The following MYO9B variants were observed in gnomAD, a reference collection of about 807,000 sequenced individuals.
The protein encoded by MYO9B is unconventional myosin-IXb.
Under a neutral mutation model 229.5 loss-of-function variants are expected in MYO9B, and 71 were observed. That is an observed-to-expected ratio of 0.31 (90% CI 0.26 to 0.38). The LOEUF (loss-of-function observed/expected upper bound fraction) is 0.38. Ranked by LOEUF, MYO9B falls within the 10% of genes least tolerant of loss-of-function variation. The pLI, the probability that MYO9B is intolerant of heterozygous loss-of-function variation, is 1.00. For synonymous variants in MYO9B, 1,185 were observed against 1,235.8 expected, an observed-to-expected ratio of 0.96 and a Z score of 0.86; for missense variants, 2,255 against 2,920.5, an observed-to-expected ratio of 0.77 and a Z score of 5.25.
intron 2 of MYO9B, among the ~76,000 whole-genome samples, chr19:17,125,212 A>G (rs1172746674): frequency 1.3e-5 from 2 of 151,872 alleles, no homozygotes; most frequent in Non-Finnish European, 2.9e-5. Context: ...GAGGGTGGAG[A>G]ATCACTTGAG....
rs148149939 is a variant in MYO9B at position 17,150,287 on chromosome 19, A to G, written c.936-2357A>G. Among the ~76,000 whole-genome samples, 972 of 152,122 alleles carry G rather than the reference A, an allele frequency of 6.4e-3. 17 individuals are homozygous for G. Among genetic ancestry groups the G allele is most frequent in the African/African-American group, 0.023 (933 of 41,404 alleles). On this transcript the variant is annotated intron_variant, in intron 3 of 39. Coordinates refer to ENST00000682292, the MANE Select transcript of MYO9B (RefSeq NM_004145.4). Reference sequence around the variant, plus strand: ...GCCAGGTGTGGTGGCTCATGCCTATAATCCCAGCTACTCGGGAAGCTGAGG... The same window carrying G: ...GCCAGGTGTGGTGGCTCATGCCTATGATCCCAGCTACTCGGGAAGCTGAGG...
At chr19:17,161,875 C>A (rs2072606320) in intron 8 of MYO9B, among the ~76,000 whole-genome samples, 1 of 151,518 alleles carries the variant, frequency 6.6e-6, no homozygotes, top group Admixed American at 6.6e-5. Flanking sequence ...ATAGCCCCAG[C>A]TACACAGGAG....
Position 17,162,939 on chromosome 19 carries a change from C to T in MYO9B, c.1537-49C>T, listed in dbSNP as rs200626924. 4.4e-5 allele frequency: 70 copies of T among 1,582,468 alleles called. 2 individuals carry two copies. In the Middle Eastern group the frequency reaches 1.2e-3, roughly 26 times the overall value. On this transcript the variant is annotated intron_variant, in intron 9 of 39. Coordinates refer to ENST00000682292, the MANE Select transcript of MYO9B (RefSeq NM_004145.4). ...CCAACCCCTCTCATGAAGGCTGGCT[C>T]CCTCGGGGTGCACCTGCGGGCAGTG... is the stretch of plus-strand genomic sequence containing the variant.
At chr19:17,132,643 C>T (rs940963601) in intron 2 of MYO9B, among the ~76,000 whole-genome samples, 12 of 148,500 alleles carry the variant, frequency 8.1e-5, no homozygotes, top group African/African-American at 3.0e-4. Flanking sequence ...ATTCTCCTGC[C>T]TCAACCTCCC....
At chr19:17,079,339 C>T (rs537889595) in intron 1 of MYO9B, among the ~76,000 whole-genome samples, 7 of 152,208 alleles carry the variant, frequency 4.6e-5, no homozygotes, top group East Asian at 1.9e-4. Context: ...AAGGAGGAAC[C>T]GTTAGGAACG....
Position 17,106,615 on chromosome 19 carries a change from C to T in MYO9B, c.840+4058C>T, listed in dbSNP as rs1004022931. Among the ~76,000 whole-genome samples, 11 of 152,318 alleles carry T rather than the reference C, an allele frequency of 7.2e-5. No homozygotes were observed. In the South Asian group the frequency reaches 1.9e-3, roughly 26 times the overall value. On this transcript the variant is annotated intron_variant, in intron 2 of 39. Coordinates refer to ENST00000682292, the MANE Select transcript of MYO9B (RefSeq NM_004145.4). ...AACATCAGTGCCTGGCATCCACACC[C>T]GAGATAAAACAGTGATCTTGAAAAT...
chr19:17,185,502 C>T (rs1216279603), intron 17 of MYO9B, among the ~76,000 whole-genome samples: 2 of 151,104 alleles, frequency 1.3e-5, no homozygotes, highest in South Asian at 2.1e-4. Context: ...GCCAAGATCA[C>T]GCCATTGCAC....
Position 17,207,257 on chromosome 19 carries a change from C to T in MYO9B, c.5624+13C>T, listed in dbSNP as rs984209846. On this transcript the variant is annotated intron_variant, in intron 35 of 39. Transcript: ENST00000682292. The stretch of plus-strand genomic sequence containing the variant: ...TCAAGATCACCACGTGAGTGCCCAC[C>T]CTGCCCCGGAGGCATGCTCAGGGCA... 1.9e-6 allele frequency: 3 copies of T among 1,589,172 alleles called. No homozygotes were observed. The African/African-American group carries it at 4.0e-5, about 21-fold the overall frequency.
chr19:17,146,162 GATGGATGGA>G (rs2072407752), intron 3 of MYO9B, among the ~76,000 whole-genome samples: 3 of 23,462 alleles, frequency 1.3e-4, no homozygotes, highest in African/African-American at 2.4e-4. Context: ...TGGGTGGATA[GATGGATGGA>G]TGGATGGATG....
At chr19:17,113,007 G>C (rs1191252998) in intron 2 of MYO9B, among the ~76,000 whole-genome samples, 1 of 152,236 alleles carries the variant, frequency 6.6e-6, no homozygotes, top group Non-Finnish European at 1.5e-5. Flanking sequence ...CAAGGCCTCA[G>C]AAGGCAGAAG....
intron 2 of MYO9B, among the ~76,000 whole-genome samples, chr19:17,139,410 C>T (rs1312051271): frequency 6.6e-6 from 1 of 152,164 alleles, no homozygotes; most frequent in Non-Finnish European, 1.5e-5. Context: ...GATCACACCA[C>T]CGCACTCCAG....
chr19:17,139,622 C>T (rs1264942511), intron 2 of MYO9B, among the ~76,000 whole-genome samples: 1 of 152,070 alleles, frequency 6.6e-6, no homozygotes, highest in Non-Finnish European at 1.5e-5. Context: ...CCTGTAGTCT[C>T]AGCTACCTGG....
chr19:17,121,710 G>T (rs182250204), intron 2 of MYO9B, among the ~76,000 whole-genome samples: 3 of 152,202 alleles, frequency 2.0e-5, no homozygotes, highest in East Asian at 3.9e-4. Context: ...TACTGGAAGG[G>T]CGCGGTGGCT....
At chr19:17,206,225 G>GCGGCC in intron 32 of MYO9B, 23 bp from the exon 33 acceptor site, 2 of 1,564,620 alleles carry the variant, frequency 1.3e-6, no homozygotes, top group African/African-American at 1.4e-5. Flanking sequence ...CCGCTCACCA[G>GCGGCC]ACCCACCCCA....
intron 38 of MYO9B, 25 bp downstream of exon 38, chr19:17,210,873 A>C (rs1239366747): frequency 6.3e-7 from 1 of 1,577,088 alleles, no homozygotes; most frequent in Non-Finnish European, 8.6e-7. Context: ...CCCCTCCCTC[A>C]GTCCTTCATG....
intron 2 of MYO9B, among the ~76,000 whole-genome samples, chr19:17,115,715 C>A (rs1410626347): frequency 6.6e-6 from 1 of 151,880 alleles, no homozygotes; most frequent in African/African-American, 2.4e-5. Flanking sequence ...GTGATCCACC[C>A]ACCTCGTCCC....
intron 1 of MYO9B, among the ~76,000 whole-genome samples, chr19:17,079,479 G>A (rs1026446986): frequency 6.6e-6 from 1 of 152,196 alleles, no homozygotes; most frequent in Non-Finnish European, 1.5e-5. Context: ...CTTTTCTTCT[G>A]AGATTAGAGG....
intron 8 of MYO9B, among the ~76,000 whole-genome samples, chr19:17,160,091 G>T (rs1038741719): frequency 6.6e-6 from 1 of 152,104 alleles, no homozygotes; most frequent in African/African-American, 2.4e-5. Context: ...TATTTCTCTT[G>T]CATTTTTACA....
At chr19:17,129,880 A>G (rs1357730600) in intron 2 of MYO9B, among the ~76,000 whole-genome samples, 2 of 152,040 alleles carry the variant, frequency 1.3e-5, no homozygotes, top group African/African-American at 4.8e-5. Flanking sequence ...CAGTGGTGCA[A>G]TCATAGCTCA....
Sources: allele counts gnomAD v4.1 joint callset (sites outside exome capture counted in the v4.1 genomes callset), GRCh38; gene constraint gnomAD v4.1.1; transcripts MANE v1.5; gene names NCBI Gene and HGNC (gene_info 2026-07-23, HGNC 2026-07-21).